OPCML: variants seen among roughly 807,000 people sequenced by gnomAD.
OPCML encodes the protein opioid-binding protein/cell adhesion molecule.
Under a neutral mutation model 37.8 loss-of-function variants are expected in OPCML, and 13 were observed. The observed-to-expected ratio is 0.34, with a 90% CI of 0.22 to 0.55. The LOEUF (loss-of-function observed/expected upper bound fraction) is 0.55. Ranked by LOEUF, OPCML falls within the 20% of genes least tolerant of loss-of-function variation. The probability of loss-of-function intolerance (pLI) is 0.91; values close to 1 mark genes in which losing one functional copy is unlikely to be tolerated. For missense variants in OPCML, 341 were observed against 435.6 expected, an observed-to-expected ratio of 0.78 and a Z score of 1.93; for synonymous variants, 176 against 168.8, an observed-to-expected ratio of 1.04 and a Z score of -0.33.
At chr11:133,081,479 G>A (rs1004797501) in intron 1 of OPCML, among the ~76,000 whole-genome samples, 2 of 152,334 alleles carry the variant, frequency 1.3e-5, no homozygotes, top group East Asian at 1.9e-4. Context: ...GCAAGTGGCT[G>A]AGCGAATGAA....
At position 132,803,260 on chromosome 11, in the gene OPCML, G is replaced by T. The variant is rs1591632038; in HGVS notation, c.146+139666C>A. ...AATTACCCTTAGAAATACGCTCCTT[G>T]AAGAAAATCAATGCACATGTGTTTT... On this transcript the variant is annotated intron_variant, in intron 2 of 7. Coordinates refer to ENST00000524381, the MANE Select transcript of OPCML (RefSeq NM_001012393.5). Among the ~76,000 whole-genome samples, 2 of 152,236 alleles carry T rather than the reference G, an allele frequency of 1.3e-5. 1 individual carries two copies. Among genetic ancestry groups the T allele is most frequent in the East Asian group, 3.9e-4 (2 of 5,170 alleles).
At chr11:133,193,448 A>G (rs1483216164) in intron 1 of OPCML, among the ~76,000 whole-genome samples, 1 of 152,216 alleles carries the variant, frequency 6.6e-6, no homozygotes, top group East Asian at 1.9e-4. Flanking sequence ...GTAATTCCCA[A>G]CTTGGAAACA....
intron 4 of OPCML, among the ~76,000 whole-genome samples, chr11:132,451,896 TTCTC>T (rs1162722936): frequency 6.6e-6 from 1 of 152,202 alleles, no homozygotes; most frequent in African/African-American, 2.4e-5. Context: ...GTGCCCCGTT[TTCTC>T]TCTTCCTCTG....
chr11:133,423,616 C>T (rs1485542401), intron 1 of OPCML, among the ~76,000 whole-genome samples: 2 of 152,164 alleles, frequency 1.3e-5, no homozygotes, highest in African/African-American at 4.8e-5. Flanking sequence ...GGAATAAACA[C>T]CTTTGCTGAG....
At chr11:133,079,375 A>G (rs1405681642) in intron 1 of OPCML, among the ~76,000 whole-genome samples, 1 of 152,084 alleles carries the variant, frequency 6.6e-6, no homozygotes, top group African/African-American at 2.4e-5. Flanking sequence ...GGGGACCCAC[A>G]TTTTTGATGG....
chr11:132,716,412 GTCTA>G (rs61519269), intron 2 of OPCML, among the ~76,000 whole-genome samples: 12,031 of 103,880 alleles, frequency 0.12, 589 homozygotes, highest in Middle Eastern at 0.23. Context: ...CTATCTGTCT[GTCTA>G]TCTATCTATC....
At chr11:132,704,462 G>T (rs1349633260) in intron 2 of OPCML, among the ~76,000 whole-genome samples, 1 of 152,140 alleles carries the variant, frequency 6.6e-6, no homozygotes, top group Non-Finnish European at 1.5e-5. Flanking sequence ...AAGTAGTTTA[G>T]GTGAGAACTA....
At chr11:133,142,754 G>A (rs939473078) in intron 1 of OPCML, among the ~76,000 whole-genome samples, 2 of 152,100 alleles carry the variant, frequency 1.3e-5, no homozygotes, top group Non-Finnish European at 2.9e-5. Flanking sequence ...GGGTGAGCAT[G>A]GCATAGAGAT....
intron 2 of OPCML, among the ~76,000 whole-genome samples, chr11:132,700,935 T>G (rs1943787104): frequency 6.6e-6 from 1 of 152,226 alleles, no homozygotes; most frequent in South Asian, 2.1e-4. Flanking sequence ...TTCATTCTGC[T>G]AATGTTTGCT....
At chr11:133,002,511 T>C (rs183170263) in intron 1 of OPCML, among the ~76,000 whole-genome samples, 16 of 152,350 alleles carry the variant, frequency 1.1e-4, no homozygotes, top group African/African-American at 3.8e-4. Context: ...TCTTGCTTTC[T>C]TTATCTATCA....
chr11:133,198,486 A>T (rs1938625958), intron 1 of OPCML, among the ~76,000 whole-genome samples: 1 of 152,264 alleles, frequency 6.6e-6, no homozygotes, highest in Non-Finnish European at 1.5e-5. Context: ...AGACTGTACA[A>T]ACCAAGACAT....
intron 1 of OPCML, among the ~76,000 whole-genome samples, chr11:133,262,608 C>A (rs568507878): frequency 1.3e-5 from 2 of 152,314 alleles, no homozygotes; most frequent in East Asian, 3.9e-4. Flanking sequence ...AATGGCCAGA[C>A]ACCCTTCCAC....
chr11:133,135,440 GTTTT>G (rs11291782), intron 1 of OPCML, among the ~76,000 whole-genome samples: 1 of 131,230 alleles, frequency 7.6e-6, no homozygotes, highest in African/African-American at 2.8e-5. Flanking sequence ...CCCTCCATAG[GTTTT>G]TTTTTTTTTT....
intron 2 of OPCML, among the ~76,000 whole-genome samples, chr11:132,824,172 C>A (rs2136257829): frequency 6.6e-6 from 1 of 152,246 alleles, no homozygotes; most frequent in South Asian, 2.1e-4. Context: ...TGTTCTGAAC[C>A]ATCACTCATG....
At chr11:133,529,057 A>C (rs1948548179) in intron 1 of OPCML, among the ~76,000 whole-genome samples, 1 of 152,236 alleles carries the variant, frequency 6.6e-6, no homozygotes, top group African/African-American at 2.4e-5. Flanking sequence ...CCCCATGGCC[A>C]CAGAGCCATT....
intron 2 of OPCML, among the ~76,000 whole-genome samples, chr11:132,846,868 C>T (rs561835632): frequency 6.6e-6 from 1 of 152,282 alleles, no homozygotes; most frequent in African/African-American, 2.4e-5. Context: ...TTAGCTTCTA[C>T]TTGTTGATCC....
intron 1 of OPCML, among the ~76,000 whole-genome samples, chr11:133,256,681 G>A (rs886600302): frequency 3.9e-5 from 6 of 152,078 alleles, no homozygotes; most frequent in Admixed American, 1.3e-4. Context: ...ATTTACAGCT[G>A]TCAAAAAAGT....
chr11:132,593,026 A>G (rs1452183752), intron 3 of OPCML, among the ~76,000 whole-genome samples: 2 of 152,240 alleles, frequency 1.3e-5, no homozygotes, highest in Non-Finnish European at 2.9e-5. Context: ...AGACATAAAT[A>G]GAAATGACAA....
chr11:132,692,687 G>T (rs1289683322), intron 2 of OPCML, among the ~76,000 whole-genome samples: 2 of 152,158 alleles, frequency 1.3e-5, no homozygotes, highest in African/African-American at 2.4e-5. Context: ...TTCATCCCAC[G>T]TGGTTAGAAT....
Sources: allele counts gnomAD v4.1 joint callset (sites outside exome capture counted in the v4.1 genomes callset), GRCh38; gene constraint gnomAD v4.1.1; transcripts MANE v1.5; gene names NCBI Gene and HGNC (gene_info 2026-07-23, HGNC 2026-07-21).